Variants in SLC10A7 observed in about 807,000 individuals in gnomAD.
SLC10A7 encodes sodium/bile acid cotransporter 7.
In SLC10A7, 29 loss-of-function variants were observed where a neutral mutation model predicts 43.2. That is an observed-to-expected ratio of 0.67 (90% CI 0.50 to 0.92). SLC10A7 has a LOEUF of 0.92. Among genes scored for constraint, SLC10A7 ranks in the 40% least tolerant of loss-of-function variants. The probability of loss-of-function intolerance (pLI) is 0.00; values close to 1 mark genes in which losing one functional copy is unlikely to be tolerated. For synonymous variants in SLC10A7, 152 were observed against 144.8 expected (o/e 1.05, Z -0.35); for missense variants, 295 against 403.2 (o/e 0.73, Z 2.30).
intron 2 of SLC10A7, among the ~76,000 whole-genome samples, chr4:146,510,847 A>T (rs992311625): frequency 6.6e-6 from 1 of 152,236 alleles, no homozygotes; most frequent in Non-Finnish European, 1.5e-5. Flanking sequence ...CTGAATCTAC[A>T]AATTAATACT....
intron 8 of SLC10A7, 69 bp downstream of exon 8, chr4:146,293,861 A>G: frequency 1.0e-6 from 1 of 999,962 alleles, no homozygotes; most frequent in Non-Finnish European, 1.4e-6. Flanking sequence ...AATTTAGAGA[A>G]CACACAGTGC....
chr4:146,387,754 C>G (rs1331145548), intron 5 of SLC10A7, among the ~76,000 whole-genome samples: 1 of 152,046 alleles, frequency 6.6e-6, no homozygotes, highest in Non-Finnish European at 1.5e-5. Flanking sequence ...AAATCAAGTA[C>G]AAAAATCAGT....
chr4:146,436,467 C>G (rs1326652135), intron 5 of SLC10A7, among the ~76,000 whole-genome samples: 2 of 151,996 alleles, frequency 1.3e-5, no homozygotes, highest in African/African-American at 4.8e-5. Context: ...AAAAAATGAT[C>G]TAGTGAAAGA....
At chr4:146,401,902 T>C (rs182863522) in intron 5 of SLC10A7, among the ~76,000 whole-genome samples, 72 of 152,326 alleles carry the variant, frequency 4.7e-4, no homozygotes, top group Non-Finnish European at 8.1e-4. Flanking sequence ...CAAAATAAAC[T>C]TTATATTTTT....
At chr4:146,461,767 T>C (rs1383123711) in intron 4 of SLC10A7, among the ~76,000 whole-genome samples, 1 of 110,730 alleles carries the variant, frequency 9.0e-6, no homozygotes, top group Non-Finnish European at 1.9e-5. Flanking sequence ...ACAAACTCAA[T>C]GAGAAGAAAA....
chr4:146,260,877 T>G (rs1728181132), intron 10 of SLC10A7, among the ~76,000 whole-genome samples: 1 of 151,820 alleles, frequency 6.6e-6, no homozygotes, highest in African/African-American at 2.4e-5. Context: ...CAGTATGGTG[T>G]CAAACTCCCG....
At position 146,516,867 on chromosome 4, in the gene SLC10A7, T is replaced by C. The variant is rs3914628; in HGVS notation, c.183+171A>G. 0.13 allele frequency among the ~76,000 whole-genome samples: 20,541 copies of C among 152,178 alleles called. 1,464 individuals are homozygous for C. The highest frequency in any genetic ancestry group is 0.17 in the South Asian group (820 of 4,826). Reference sequence around the variant, plus strand: ...CTGCTCAACTGTACAGCTTTTATAATACACATATGTAGGAATGAAACACAA... The same window carrying C: ...CTGCTCAACTGTACAGCTTTTATAACACACATATGTAGGAATGAAACACAA... On this transcript the variant is annotated intron_variant, in intron 2 of 11. Transcript: ENST00000335472.
intron 4 of SLC10A7, among the ~76,000 whole-genome samples, chr4:146,472,645 A>C (rs796574302): frequency 5.9e-5 from 9 of 152,066 alleles, no homozygotes; most frequent in African/African-American, 2.2e-4. Flanking sequence ...TCCTGTGCAG[A>C]CCCTGGTGGA....
Position 146,294,045 on chromosome 4 carries a change from A to G in SLC10A7, c.606T>C (p.Phe202=). 2.5e-6 allele frequency: 4 copies of G among 1,611,666 alleles called. No individual in the cohort carries two copies. Among genetic ancestry groups the G allele is most frequent in the East Asian group, 4.5e-5 (2 of 44,840 alleles). Residue 202 remains phenylalanine (F), a synonymous_variant, in exon 8 of 12, where the codon TTT becomes TTC. Transcript: ENST00000335472. Reference sequence around the variant, plus strand: ...GGAGTACACTGCTGCTGATAGCACCAAAAGGAGGCTTCTTTCTCTCAAGCC... The same window carrying G: ...GGAGTACACTGCTGCTGATAGCACCGAAAGGAGGCTTCTTTCTCTCAAGCC... ...KDWLERKKPP[F]GAISSSVLLM...
chr4:146,488,102 G>T (rs1227865699), intron 4 of SLC10A7, among the ~76,000 whole-genome samples: 2 of 151,950 alleles, frequency 1.3e-5, no homozygotes, highest in Admixed American at 6.6e-5. Context: ...GAGGCAGGAG[G>T]ATTGCTTGAA....
At chr4:146,433,084 A>G (rs543899334) in intron 5 of SLC10A7, among the ~76,000 whole-genome samples, 1 of 151,560 alleles carries the variant, frequency 6.6e-6, no homozygotes, top group East Asian at 2.0e-4. Flanking sequence ...CCCCTCACCC[A>G]TATACACACA....
chr4:146,329,756 C>T (rs920979351), intron 5 of SLC10A7, among the ~76,000 whole-genome samples: 1 of 152,082 alleles, frequency 6.6e-6, no homozygotes, highest in Non-Finnish European at 1.5e-5. Context: ...CAAGTTTTTG[C>T]AAATATCAGT....
chr4:146,471,905 T>A (rs1733603178), intron 4 of SLC10A7, among the ~76,000 whole-genome samples: 2 of 152,164 alleles, frequency 1.3e-5, no homozygotes, highest in Non-Finnish European at 2.9e-5. Flanking sequence ...ATAAAATGCT[T>A]GAACCATCAC....
intron 5 of SLC10A7, among the ~76,000 whole-genome samples, chr4:146,376,599 C>A (rs568037939): frequency 5.3e-5 from 8 of 152,252 alleles, no homozygotes; most frequent in Admixed American, 5.2e-4. Context: ...CTAACTTTCC[C>A]TTCCATCCCC....
intron 7 of SLC10A7, among the ~76,000 whole-genome samples, chr4:146,303,544 AT>A (rs1731310966): frequency 2.6e-5 from 4 of 151,486 alleles, no homozygotes; most frequent in Admixed American, 1.3e-4. Context: ...CACCCAGCCA[AT>A]TTTTTTGTAT....
chr4:146,435,072 G>A (rs1730108359), intron 5 of SLC10A7, among the ~76,000 whole-genome samples: 2 of 152,198 alleles, frequency 1.3e-5, no homozygotes, highest in South Asian at 4.2e-4. Context: ...ACAGTAGGAA[G>A]TCCACAAATG....
chr4:146,325,238 A>G (rs1469490330), intron 6 of SLC10A7, among the ~76,000 whole-genome samples: 4 of 152,234 alleles, frequency 2.6e-5, no homozygotes, highest in Non-Finnish European at 4.4e-5. Flanking sequence ...AAAGATGCAC[A>G]GTTCATAAAA....
intron 5 of SLC10A7, among the ~76,000 whole-genome samples, chr4:146,404,903 G>T (rs1046835504): frequency 3.9e-5 from 6 of 152,082 alleles, no homozygotes; most frequent in Admixed American, 2.6e-4. Flanking sequence ...AGTTTTGTTT[G>T]TACATTTCAT....
At chr4:146,511,845 C>T (rs1737501522) in intron 2 of SLC10A7, among the ~76,000 whole-genome samples, 1 of 151,954 alleles carries the variant, frequency 6.6e-6, no homozygotes, top group African/African-American at 2.4e-5. Flanking sequence ...AGCCTTGAAG[C>T]CAAATCTCAT....
Sources: gnomAD v4.1 joint callset for allele counts (sites outside exome capture counted in the v4.1 genomes callset) on GRCh38, gnomAD v4.1.1 for gene constraint, MANE v1.5 for transcripts, NCBI Gene and HGNC (gene_info 2026-07-23, HGNC 2026-07-21) for gene names.